The following RUNDC3B variants were observed in gnomAD, a reference collection of about 807,000 sequenced individuals.
RUNDC3B encodes RUN domain-containing protein 3B.
Under a neutral mutation model 58.4 loss-of-function variants are expected in RUNDC3B, and 33 were observed. The observed-to-expected ratio is 0.56, with a 90% CI of 0.43 to 0.75. The LOEUF is 0.75. Among genes scored for constraint, RUNDC3B ranks in the 30% least tolerant of loss-of-function variants. The probability of loss-of-function intolerance (pLI) is 0.00; values close to 1 mark genes in which losing one functional copy is unlikely to be tolerated. For missense variants in RUNDC3B, 501 were observed against 535.7 expected (o/e 0.94, Z 0.64); for synonymous variants, 193 against 195.2 (o/e 0.99, Z 0.10).
Position 87,628,584 on chromosome 7 carries a change from C to CGTGCGTGCGTGCGTGTGT in RUNDC3B, c.-237_-236insCGTGCGTGCGTGTGTGTG, listed in dbSNP as rs1468348829. On this transcript the variant is annotated 5_prime_UTR_variant, in exon 1 of 11. Coordinates refer to ENST00000394654, the MANE Select transcript of RUNDC3B (RefSeq NM_001134405.2). ...CGAGGGCGGAGGTGGTGCGTGCGTGCGTGTGTGTGTGTGTGTGTGTGTGTG... is the reference window on the plus strand; with the variant it reads ...CGAGGGCGGAGGTGGTGCGTGCGTGCGTGCGTGCGTGCGTGTGTGTGTGTGTGTGTGTGTGTGTGTGTG... The CGTGCGTGCGTGCGTGTGT allele has an allele frequency of 3.6e-6, 1 of 278,404 alleles. No homozygotes were observed. The highest frequency in any genetic ancestry group is 5.4e-5 in the Admixed American group (1 of 18,536). The allele number at this position is 278,404 out of a possible 1,614,324, so 17.2% of individuals were successfully genotyped here. A position where few individuals can be genotyped will look rare whatever the true frequency, so the allele number is the denominator to read the frequency against.
intron 7 of RUNDC3B, among the ~76,000 whole-genome samples, chr7:87,776,860 G>T (rs1834665316): frequency 6.6e-6 from 1 of 151,954 alleles, no homozygotes; most frequent in African/African-American, 2.4e-5. Context: ...AATGACACAT[G>T]AATAGGATAA....
intron 10 of RUNDC3B, among the ~76,000 whole-genome samples, chr7:87,818,123 T>C (rs1236045579): frequency 6.6e-6 from 1 of 152,158 alleles, no homozygotes; most frequent in Non-Finnish European, 1.5e-5. Flanking sequence ...AGCTAATTCA[T>C]ACTATGAATG....
chr7:87,733,060 C>T (rs1831688137), intron 4 of RUNDC3B, among the ~76,000 whole-genome samples: 1 of 152,150 alleles, frequency 6.6e-6, no homozygotes. Flanking sequence ...TATGCCTTAA[C>T]CCTAAAGAGG....
At chr7:87,665,849 A>G (rs1825179006) in intron 2 of RUNDC3B, among the ~76,000 whole-genome samples, 2 of 152,044 alleles carry the variant, frequency 1.3e-5, no homozygotes, top group South Asian at 2.1e-4. Flanking sequence ...AGCTTGATCC[A>G]TGTTGCTGCA....
At chr7:87,806,514 C>G (rs577988602) in intron 8 of RUNDC3B, among the ~76,000 whole-genome samples, 1 of 152,184 alleles carries the variant, frequency 6.6e-6, no homozygotes, top group East Asian at 1.9e-4. Context: ...TACTTTAAGG[C>G]CTTTTATAGG....
At chr7:87,813,705 C>T (rs918259531) in intron 9 of RUNDC3B, among the ~76,000 whole-genome samples, 5 of 152,060 alleles carry the variant, frequency 3.3e-5, no homozygotes, top group Non-Finnish European at 7.4e-5. Context: ...TTTGGCCGGG[C>T]GCAGTGGCTC....
Position 87,830,152 on chromosome 7 carries a change from G to T in RUNDC3B, c.*122G>T. On this transcript the variant is annotated 3_prime_UTR_variant, in exon 11 of 11. Coordinates refer to ENST00000394654, the MANE Select transcript of RUNDC3B (RefSeq NM_001134405.2). ...TACATGTCTGAAATTCTATTGCTTGGAGAGAATCCCCTCCAGATAAGAGAT... is the reference window on the plus strand; with the variant it reads ...TACATGTCTGAAATTCTATTGCTTGTAGAGAATCCCCTCCAGATAAGAGAT... The T allele has an allele frequency of 2.2e-6, 1 of 456,638 alleles. No homozygotes were observed. The highest frequency in any genetic ancestry group is 3.5e-5 in the East Asian group (1 of 28,824). The allele number at this position is 456,638 out of a possible 1,614,324, so 28.3% of individuals were successfully genotyped here.
At chr7:87,659,770 C>T (rs1824503914) in intron 2 of RUNDC3B, among the ~76,000 whole-genome samples, 1 of 152,140 alleles carries the variant, frequency 6.6e-6, no homozygotes, top group Non-Finnish European at 1.5e-5. Context: ...TCCTTTTTAT[C>T]TCCACCTTCA....
chr7:87,732,412 G>A (rs913131693), intron 4 of RUNDC3B, among the ~76,000 whole-genome samples: 2 of 152,020 alleles, frequency 1.3e-5, no homozygotes, highest in Non-Finnish European at 2.9e-5. Context: ...CTGAAAAGAG[G>A]GGAGAGTCGG....
chr7:87,733,940 T>C (rs190738122), intron 4 of RUNDC3B, among the ~76,000 whole-genome samples: 4 of 152,290 alleles, frequency 2.6e-5, no homozygotes, highest in Admixed American at 2.0e-4. Flanking sequence ...TGAAGAACTT[T>C]TACAACTCAG....
chr7:87,649,294 A>G (rs1162596739), intron 1 of RUNDC3B, among the ~76,000 whole-genome samples: 1 of 152,184 alleles, frequency 6.6e-6, no homozygotes, highest in Admixed American at 6.5e-5. Flanking sequence ...CATTCTTTCA[A>G]AATAGAGCTT....
intron 8 of RUNDC3B, among the ~76,000 whole-genome samples, chr7:87,796,015 T>C (rs1434018689): frequency 6.6e-6 from 1 of 152,230 alleles, no homozygotes; most frequent in African/African-American, 2.4e-5. Flanking sequence ...CCCAAGTTTT[T>C]GCATCATAAT....
At chr7:87,730,488 G>A (rs1446806243) in intron 4 of RUNDC3B, among the ~76,000 whole-genome samples, 5 of 151,412 alleles carry the variant, frequency 3.3e-5, no homozygotes, top group African/African-American at 1.2e-4. Context: ...GAGGAAAAGG[G>A]GAGGAAGAGT....
chr7:87,823,027 TTAAAG>T (rs1584293082), intron 10 of RUNDC3B, among the ~76,000 whole-genome samples: 1 of 151,800 alleles, frequency 6.6e-6, no homozygotes, highest in African/African-American at 2.4e-5. Context: ...ACCCTAAAAC[TTAAAG>T]TATAATAATA....
At chr7:87,697,162 C>T (rs1034322413) in intron 2 of RUNDC3B, among the ~76,000 whole-genome samples, 2 of 152,190 alleles carry the variant, frequency 1.3e-5, no homozygotes, top group African/African-American at 4.8e-5. Context: ...TCTTCTTGTT[C>T]ATGGACAACC....
intron 3 of RUNDC3B, among the ~76,000 whole-genome samples, chr7:87,705,113 C>T (rs1050140731): frequency 6.6e-6 from 1 of 152,106 alleles, no homozygotes; most frequent in African/African-American, 2.4e-5. Flanking sequence ...CATGGACAAT[C>T]TCATACTTTT....
At chr7:87,758,615 A>C (rs1158766543) in intron 6 of RUNDC3B, among the ~76,000 whole-genome samples, 2 of 152,244 alleles carry the variant, frequency 1.3e-5, no homozygotes, top group Admixed American at 1.3e-4. Context: ...TAAAGAGTTC[A>C]AACAACTCAA....
chr7:87,630,877 A>C (rs889309931), intron 1 of RUNDC3B, among the ~76,000 whole-genome samples: 1 of 152,132 alleles, frequency 6.6e-6, no homozygotes, highest in Non-Finnish European at 1.5e-5. Context: ...TTTGTATTTC[A>C]ACCTTATTTA....
At chr7:87,828,647 C>T (rs1031322666) in intron 10 of RUNDC3B, among the ~76,000 whole-genome samples, 4 of 152,086 alleles carry the variant, frequency 2.6e-5, no homozygotes, top group Non-Finnish European at 5.9e-5. Flanking sequence ...AGGTTGATTC[C>T]ATGTCTTTGC....
Sources: allele counts gnomAD v4.1 joint callset (sites outside exome capture counted in the v4.1 genomes callset), GRCh38; gene constraint gnomAD v4.1.1; transcripts MANE v1.5; gene names NCBI Gene and HGNC (gene_info 2026-07-23, HGNC 2026-07-21).